CHD5: variants seen among roughly 807,000 people sequenced by gnomAD.
CHD5 encodes chromodomain helicase DNA binding protein 5, also known as ATP-dependent chromatin remodeler CHD5.
CHD5 carries 69 observed loss-of-function variants against 230.3 expected under a neutral mutation model. The observed-to-expected ratio is 0.30, with a 90% CI of 0.25 to 0.37. CHD5 has a LOEUF of 0.37. Ranked by LOEUF, CHD5 falls within the 10% of genes least tolerant of loss-of-function variation. The pLI is 1.00. For missense variants in CHD5, 1,827 were observed against 2,622.8 expected, an observed-to-expected ratio of 0.70 and a Z score of 6.63; for synonymous variants, 1,064 against 1,065.9, an observed-to-expected ratio of 1.00 and a Z score of 0.03.
chr1:6,121,214 T>G lies in CHD5; in HGVS notation c.4803A>C (p.Arg1601Ser). 1 of 1,613,242 alleles carries G rather than the reference T, an allele frequency of 6.2e-7. No individual in the cohort carries two copies. Among genetic ancestry groups the G allele is most frequent in the Non-Finnish European group, 8.5e-7 (1 of 1,179,720 alleles). ...EVQALPAALD[R>S]VESEDKHESP... ...TCTCGTGCTTGTCCTCACTCTCCAC[T>G]CTATCCAAGGCGGCTGGAAGGGCCT... Residue 1601 changes from arginine (R) to serine (S), a missense_variant, in exon 33 of 42, where the codon AGA (arginine) becomes AGC (serine). Around this residue, in one of 14 missense-constraint regions of CHD5, gnomAD observed 272 missense variants for 263.2 expected, o/e 1.03. Transcript: ENST00000262450. The surrounding 1 kb of genome is among the most constrained non-coding windows in gnomAD (Gnocchi z 4.5).
Position 6,179,978 on chromosome 1 carries a change from CGAACAGCCGCGGCAGCTCCTCCTCGGT to C in CHD5, c.19_45del (p.Thr7_Phe15del). 1 of 1,382,966 alleles carries C rather than the reference CGAACAGCCGCGGCAGCTCCTCCTCGGT, an allele frequency of 7.2e-7. No individual in the cohort carries two copies. The highest frequency in any genetic ancestry group is 9.5e-7 in the Non-Finnish European group (1 of 1,055,646). The allele number at this position is 1,382,966 out of a possible 1,614,324, so 85.7% of individuals were successfully genotyped here. ...TCGTCCTCATTCTCCATCTCCTCGGCGAACAGCCGCGGCAGCTCCTCCTCGGTGCCCACTGGGCCCCGCATGCCCGGC... is the reference window on the plus strand; with the variant it reads ...TCGTCCTCATTCTCCATCTCCTCGGCGCCCACTGGGCCCCGCATGCCCGGC... On this transcript the variant is annotated inframe_deletion, in exon 1 of 42. Coordinates refer to ENST00000262450, the MANE Select transcript of CHD5 (RefSeq NM_015557.3).
At chr1:6,110,021 C>T (rs369362588) in intron 37 of CHD5, 31 bp from the exon 38 acceptor site, 2 of 1,487,932 alleles carry the variant, frequency 1.3e-6, no homozygotes, top group Non-Finnish European at 8.9e-7. Flanking sequence ...CGGCCCGGCC[C>T]CTCCCGCTGA....
chr1:6,170,579 G>T (rs1347667697), intron 1 of CHD5, among the ~76,000 whole-genome samples: 1 of 152,148 alleles, frequency 6.6e-6, no homozygotes. Flanking sequence ...TCCCTCAAGG[G>T]TGGCCAGGTG....
chr1:6,148,814 T>A, intron 9 of CHD5, 40 bp downstream of exon 9: 2 of 1,034,138 alleles, frequency 1.9e-6, no homozygotes, highest in Non-Finnish European at 1.2e-6. Context: ...GTTCCTGGGG[T>A]GGGGCGGGGC....
At position 6,144,135 on chromosome 1, in the gene CHD5, A is replaced by G. The variant is rs748359129; in HGVS notation, c.1823T>C (p.Val608Ala). 1 of 1,614,172 alleles carries G rather than the reference A, an allele frequency of 6.2e-7. No individual in the cohort carries two copies. The highest frequency in any genetic ancestry group is 1.1e-5 in the South Asian group (1 of 91,082). Reference protein sequence around the residue: ...LNHSFDKKGDVHYLIKWKDLP... With the variant: ...LNHSFDKKGDAHYLIKWKDLP... ...GTCTTTCCACTTGATCAGGTAGTGC[A>G]CATCCCCCTTCTTGTCAAAGCTGCA... Residue 608 changes from valine to alanine, a missense_variant, in exon 12 of 42, where the codon GTG becomes GCG. Physicochemically the swap from Val to Ala is moderately conservative, Grantham distance 64. Around this residue, in one of 14 missense-constraint regions of CHD5, gnomAD observed 657 missense variants for 816.4 expected, o/e 0.80. Transcript: ENST00000262450.
chr1:6,164,130 C>T (rs879440535), intron 2 of CHD5, among the ~76,000 whole-genome samples: 5 of 152,216 alleles, frequency 3.3e-5, no homozygotes, highest in South Asian at 4.1e-4. Flanking sequence ...TTCCCAGCTC[C>T]GCAGATGTTT....
intron 9 of CHD5, among the ~76,000 whole-genome samples, chr1:6,147,323 G>A (rs1421002194): frequency 6.6e-6 from 1 of 152,160 alleles, no homozygotes; most frequent in Admixed American, 6.5e-5. Context: ...CATGAGCCCT[G>A]TGCTGGAGCC....
At position 6,123,981 on chromosome 1, in the gene CHD5, C is replaced by T; in HGVS notation, c.4666G>A (p.Ala1556Thr). 1 of 1,602,166 alleles carries T rather than the reference C, an allele frequency of 6.2e-7. No homozygotes were observed. Residue 1556 changes from alanine (A) to threonine (T), a missense_variant, in exon 31 of 42, where the codon GCC becomes ACC. Ala to Thr is a moderately conservative substitution (Grantham distance 58). This residue lies in a region of CHD5 where 272 missense variants were observed against 263.2 expected (regional missense o/e 1.03). Coordinates refer to ENST00000262450, the MANE Select transcript of CHD5 (RefSeq NM_015557.3). ...CCCAGCGGGGCTGGCAGGAGGTGGG[C>T]AGGGCTGGCGGGCACTGGTGTGTTG... ...DPNTPVPASP[A>T]HLLPAPLGLP...
chr1:6,146,634 C>T lies in CHD5; in HGVS notation c.1590+31G>A. The T allele has an allele frequency of 6.2e-7, 1 of 1,608,402 alleles. No individual in the cohort carries two copies. Among genetic ancestry groups the T allele is most frequent in the South Asian group, 1.1e-5 (1 of 90,924 alleles). On this transcript the variant is annotated intron_variant, in intron 10 of 41. Coordinates refer to ENST00000262450, the MANE Select transcript of CHD5 (RefSeq NM_015557.3). This position sits in a 1 kb window ranked among gnomAD's most constrained non-coding sequence, Gnocchi z 5.1. ...GGTCCAGGGCTCACCAGGTCCCGGG[C>T]CTTAGCACAGCCACCCTCCCGGGCA...
intron 18 of CHD5, 26 bp downstream of exon 18, chr1:6,135,204 T>C: frequency 6.2e-7 from 1 of 1,613,632 alleles, no homozygotes; most frequent in Non-Finnish European, 8.5e-7. Context: ...GAGCACAGGC[T>C]GCTCCGGGGT....
chr1:6,152,849 A>G (rs1433816907), intron 5 of CHD5, among the ~76,000 whole-genome samples: 1 of 152,186 alleles, frequency 6.6e-6, no homozygotes, highest in African/African-American at 2.4e-5. Flanking sequence ...GAAAGGAGGC[A>G]CTAGCCATCC....
In CHD5 at chr1:6,155,756, C is replaced by G. The variant is rs1464752345; in HGVS notation, c.388-39G>C. 6 of 1,499,550 alleles carry G rather than the reference C, an allele frequency of 4.0e-6. 1 individual carries two copies. In the Middle Eastern group the frequency reaches 1.0e-3, roughly 257 times the overall value. 92.9% of individuals were successfully genotyped at this position (1,499,550 alleles called of 1,614,324 possible). A position where few individuals can be genotyped will look rare whatever the true frequency, so the allele number is the denominator to read the frequency against. On this transcript the variant is annotated intron_variant, in intron 3 of 41. Coordinates refer to ENST00000262450, the MANE Select transcript of CHD5 (RefSeq NM_015557.3). This position sits in a 1 kb window ranked among gnomAD's most constrained non-coding sequence, Gnocchi z 4.0. ...GGCCAGAGGTAGAGTTGTTGAGGGG[C>G]CTTCTGACCTGCACCCCCATCCCCA...
Position 6,134,157 on chromosome 1 carries a change from C to T in CHD5, c.3115G>A (p.Glu1039Lys), listed in dbSNP as rs1399801843. 3.1e-6 allele frequency: 5 copies of T among 1,613,708 alleles called. No individual in the cohort carries two copies. Among genetic ancestry groups the T allele is most frequent in the Non-Finnish European group, 4.2e-6 (5 of 1,179,984 alleles). ...LQKMLKKLRD[E>K]GHRVLIFSQM... Reference sequence around the variant, plus strand: ...GAGAAGATGAGCACACGGTGCCCCTCATCCCGCAGTTTCTTCAGCATCTTC... The same window carrying T: ...GAGAAGATGAGCACACGGTGCCCCTTATCCCGCAGTTTCTTCAGCATCTTC... The change falls in exon 20 of 42, where the codon GAG becomes AAG. Residue 1039 changes from glutamate to lysine, a missense_variant. Around this residue, in one of 14 missense-constraint regions of CHD5, gnomAD observed 38 missense variants for 49.5 expected, o/e 0.77. Transcript: ENST00000262450. This position sits in a 1 kb window ranked among gnomAD's most constrained non-coding sequence, Gnocchi z 6.3.
intron 1 of CHD5, among the ~76,000 whole-genome samples, chr1:6,176,930 A>C (rs935627036): frequency 2.0e-5 from 3 of 152,120 alleles, no homozygotes; most frequent in African/African-American, 7.2e-5. Context: ...TCCCCCAACC[A>C]GAAGAGGCAC....
chr1:6,139,497 A>G (rs1395652323), intron 15 of CHD5, among the ~76,000 whole-genome samples: 1 of 150,744 alleles, frequency 6.6e-6, no homozygotes, highest in African/African-American at 2.4e-5. Context: ...TCGGCCTCCC[A>G]AAGTGCTGGG....
chr1:6,150,029 ATGGGC>A (rs1666977664), intron 7 of CHD5, among the ~76,000 whole-genome samples: 1 of 145,684 alleles, frequency 6.9e-6, no homozygotes, highest in East Asian at 2.0e-4. Flanking sequence ...GGATGGATGG[ATGGGC>A]AAATGGATGA....
In CHD5 at chr1:6,167,625, G is replaced by A. The variant is rs114645916; in HGVS notation, c.207+525C>T. Among the ~76,000 whole-genome samples, 1,130 of 152,278 alleles carry A rather than the reference G, an allele frequency of 7.4e-3. 8 individuals carry two copies. The highest frequency in any genetic ancestry group is 0.016 in the South Asian group (76 of 4,828). On this transcript the variant is annotated intron_variant, in intron 2 of 41. Transcript: ENST00000262450. The surrounding 1 kb of genome is among the most constrained non-coding windows in gnomAD (Gnocchi z 4.5). ...TCAGCAGCGTGGGAAGACAAGGGACGTGTTCACACCATCACACCCTGCCAA... is the reference window on the plus strand; with the variant it reads ...TCAGCAGCGTGGGAAGACAAGGGACATGTTCACACCATCACACCCTGCCAA...
chr1:6,136,375 G>T, intron 17 of CHD5, 142 bp downstream of exon 17: 1 of 948,422 alleles, frequency 1.1e-6, no homozygotes. Context: ...AGGTCAAAGC[G>T]GGGACATTGC....
rs1666960080 is a variant in CHD5, at chr1:6,149,246, A to G, written c.1161T>C (p.Cys387=). ...AGCCCGGGGCTCTGCCAAGGCTTAC[A>G]CAGTGGGGGCAGCTCCACTTGCCCT... ...APEGKWSCPH[C]EKEGIQWEPK... The change falls in exon 8 of 42, where the codon TGT becomes TGC. Residue 387 remains cysteine (C), a splice_region_variant and synonymous_variant. Coordinates refer to ENST00000262450, the MANE Select transcript of CHD5 (RefSeq NM_015557.3). 1.2e-6 allele frequency: 2 copies of G among 1,600,850 alleles called. No homozygotes were observed.
Sources: gnomAD v4.1 joint callset for allele counts (sites outside exome capture counted in the v4.1 genomes callset) on GRCh38, gnomAD v4.1.1 for gene constraint, gnomAD v4.1.1 regional missense constraint, Gnocchi (gnomAD v3.1) non-coding constraint, MANE v1.5 for transcripts, NCBI Gene and HGNC (gene_info 2026-07-23, HGNC 2026-07-21) for gene names.